Variants in TMEM245 observed in about 807,000 individuals in gnomAD.
TMEM245 encodes the protein transmembrane protein 245, also known as protein CG-2.
A neutral mutation model predicts 101.2 loss-of-function variants in TMEM245; 69 were observed. That is an observed-to-expected ratio of 0.68 (90% CI 0.56 to 0.83). The LOEUF (loss-of-function observed/expected upper bound fraction) is 0.83. TMEM245 is among the 40% of genes least tolerant of loss of function. TMEM245 has a pLI of 0.00. For synonymous variants in TMEM245, 537 were observed against 449.8 expected, an observed-to-expected ratio of 1.19 and a Z score of -2.45; for missense variants, 1,075 against 1,092.8, an observed-to-expected ratio of 0.98 and a Z score of 0.23.
chr9:109,098,135 C>T (rs1008762549), intron 3 of TMEM245, among the ~76,000 whole-genome samples: 28 of 152,072 alleles, frequency 1.8e-4, no homozygotes, highest in African/African-American at 6.5e-4. Context: ...ATTTTTAGAT[C>T]TCTCCACAGA....
intron 10 of TMEM245, 111 bp downstream of exon 10, chr9:109,064,366 G>C (rs975979315): frequency 2.3e-6 from 2 of 879,166 alleles, no homozygotes; most frequent in African/African-American, 1.7e-5. Context: ...GTTTATTTAA[G>C]CCTATTTACT....
At chr9:109,085,800 C>G (rs774665978) in intron 7 of TMEM245, among the ~76,000 whole-genome samples, 197 bp downstream of exon 7, 10 of 152,220 alleles carry the variant, frequency 6.6e-5, no homozygotes, top group Non-Finnish European at 1.5e-4. Context: ...CCATCCATAT[C>G]CTAGACAGCC....
chr9:109,119,537 A>G lies in TMEM245; in HGVS notation c.377T>C (p.Leu126Pro). The G allele has an allele frequency of 6.5e-7, 1 of 1,531,364 alleles. No individual in the cohort carries two copies. 94.9% of individuals were successfully genotyped at this position (1,531,364 alleles called of 1,614,324 possible). Residue 126 changes from leucine (L) to proline (P), a missense_variant, in exon 1 of 18, where the codon CTG becomes CCG. Leu to Pro is a moderately conservative substitution (Grantham distance 98). Coordinates refer to ENST00000374586, the MANE Select transcript of TMEM245 (RefSeq NM_032012.4). ...GCCGTAGTCGACGAAGCAGAGCGGC[A>G]GGAGCAGCGCGGCCAGGACGATGGG... ...HTPIVLAALL[L>P]PLCFVDYGVE... is the part of the protein sequence containing the mutation.
chr9:109,024,075 G>A (rs34222020), intron 17 of TMEM245, among the ~76,000 whole-genome samples: 3 of 151,886 alleles, frequency 2.0e-5, no homozygotes. Context: ...ATGTAAATAT[G>A]TAAATCATTT....
chr9:109,048,515 C>G (rs1247149670), intron 14 of TMEM245, among the ~76,000 whole-genome samples: 1 of 151,946 alleles, frequency 6.6e-6, no homozygotes, highest in Non-Finnish European at 1.5e-5. Context: ...GAAATGCCAG[C>G]CAAAGATTTG....
chr9:109,073,863 T>TG (rs1382827820), intron 8 of TMEM245, among the ~76,000 whole-genome samples: 13 of 148,342 alleles, frequency 8.8e-5, no homozygotes, highest in Admixed American at 2.7e-4. Flanking sequence ...TTTGTTTTTT[T>TG]TTTTTTTTTT....
chr9:109,088,045 G>A (rs1564199745), intron 5 of TMEM245, among the ~76,000 whole-genome samples: 1 of 152,228 alleles, frequency 6.6e-6, no homozygotes. Context: ...CAGAGGTTAA[G>A]CTTCCTGTTA....
chr9:109,052,372 A>G (rs1828711416), intron 12 of TMEM245, among the ~76,000 whole-genome samples: 1 of 152,244 alleles, frequency 6.6e-6, no homozygotes, highest in Non-Finnish European at 1.5e-5. Flanking sequence ...TAGTAAGTGG[A>G]ACTAGAGCTT....
rs529548056 is a variant in TMEM245, at chr9:109,064,123, T to C, written c.1623+354A>G. Among the ~76,000 whole-genome samples the C allele has an allele frequency of 2.0e-5, 3 of 152,240 alleles. No individual in the cohort carries two copies. In the East Asian group the frequency reaches 5.8e-4, roughly 29 times the overall value. ...AAAACAAATATTAAATGAAAATAAC[T>C]GGAAACTGCCAAAGACAGTTATCAG... On this transcript the variant is annotated intron_variant, in intron 10 of 17. Transcript: ENST00000374586.
At chr9:109,087,414 A>G in intron 5 of TMEM245, 72 bp from the exon 6 acceptor site, 1 of 1,380,550 alleles carries the variant, frequency 7.2e-7, no homozygotes, top group South Asian at 1.5e-5. Flanking sequence ...AAGGTACCTT[A>G]ATTTCACAAA....
chr9:109,035,280 G>A (rs1828086895), intron 16 of TMEM245, among the ~76,000 whole-genome samples: 3 of 150,780 alleles, frequency 2.0e-5, no homozygotes, highest in Non-Finnish European at 4.4e-5. Context: ...ACTTATTCCT[G>A]CTCAAATGTC....
chr9:109,022,108 G>A (rs1316328532), intron 17 of TMEM245, among the ~76,000 whole-genome samples: 2 of 152,184 alleles, frequency 1.3e-5, no homozygotes, highest in African/African-American at 4.8e-5. Flanking sequence ...TAACCTTGCA[G>A]CACTCAATGA....
At chr9:109,093,629 T>A in intron 3 of TMEM245, 38 bp from the exon 4 acceptor site, 1 of 1,523,596 alleles carries the variant, frequency 6.6e-7, no homozygotes, top group Non-Finnish European at 9.1e-7. Flanking sequence ...CTCTTTAAAG[T>A]AGGAAATAAT....
chr9:109,111,694 T>A lies in TMEM245; in HGVS notation c.580-3124A>T, dbSNP rs183946605. Among the ~76,000 whole-genome samples the A allele has an allele frequency of 2.8e-4, 43 of 152,326 alleles. No individual in the cohort carries two copies. In the East Asian group the frequency reaches 6.4e-3, roughly 22 times the overall value. The stretch of plus-strand genomic sequence containing the variant: ...TGAGAACTTAAATATCATTTTATAG[T>A]GAACTGTTTAAATAATGCTATCTCC... On this transcript the variant is annotated intron_variant, in intron 1 of 17. Coordinates refer to ENST00000374586, the MANE Select transcript of TMEM245 (RefSeq NM_032012.4).
chr9:109,092,067 T>C (rs1481492951), intron 4 of TMEM245, among the ~76,000 whole-genome samples: 6 of 152,162 alleles, frequency 3.9e-5, no homozygotes, highest in Admixed American at 2.6e-4. Context: ...CAACCTCACA[T>C]TTTCCCCCTG....
chr9:109,041,897 G>A (rs535597060), intron 14 of TMEM245, among the ~76,000 whole-genome samples: 2 of 152,118 alleles, frequency 1.3e-5, no homozygotes, highest in South Asian at 2.1e-4. Flanking sequence ...GTCAGAGGCC[G>A]AAGCAGGTGG....
At chr9:109,054,244 T>A (rs985149661) in intron 12 of TMEM245, among the ~76,000 whole-genome samples, 6 of 152,116 alleles carry the variant, frequency 3.9e-5, no homozygotes, top group Non-Finnish European at 8.8e-5. Flanking sequence ...AGGAGGAGGA[T>A]GAAGCAGAAG....
chr9:109,114,427 T>C (rs1830654127), intron 1 of TMEM245, among the ~76,000 whole-genome samples: 1 of 152,138 alleles, frequency 6.6e-6, no homozygotes, highest in Non-Finnish European at 1.5e-5. Flanking sequence ...AAATAGAACA[T>C]CGTGAAATCT....
Position 109,115,522 on chromosome 9 carries a change from CTTTTTTT to C in TMEM245, c.579+3806_579+3812del, listed in dbSNP as rs752894720. ...CTGATTTTTTCCTAGTAACTGGAAT[CTTTTTTT>C]TTTTTTTTTTTTTTTTTTTAAGACA... On this transcript the variant is annotated intron_variant, in intron 1 of 17. Coordinates refer to ENST00000374586, the MANE Select transcript of TMEM245 (RefSeq NM_032012.4). Among the ~76,000 whole-genome samples the C allele has an allele frequency of 1.9e-3, 125 of 67,218 alleles. 1 individual carries two copies. Among genetic ancestry groups the C allele is most frequent in the Admixed American group, 5.8e-3 (29 of 4,962 alleles). The allele number at this position is 67,218 out of a possible 152,430, so 44.1% of individuals were successfully genotyped here.
Sources: allele counts gnomAD v4.1 joint callset (sites outside exome capture counted in the v4.1 genomes callset), GRCh38; gene constraint gnomAD v4.1.1; transcripts MANE v1.5; gene names NCBI Gene and HGNC (gene_info 2026-07-23, HGNC 2026-07-21).